Variants in SLC35F4 observed in about 807,000 individuals in gnomAD.
SLC35F4 encodes the protein chromosome 14 open reading frame 36.
A neutral mutation model predicts 44.2 loss-of-function variants in SLC35F4; 24 were observed. The ratio of observed to expected loss-of-function variants is 0.54; its 90% confidence interval spans 0.39 to 0.76. SLC35F4 has a LOEUF of 0.76. Ranked by LOEUF, SLC35F4 falls within the 30% of genes least tolerant of loss-of-function variation. The pLI, the probability that SLC35F4 is intolerant of heterozygous loss-of-function variation, is 0.00. For synonymous variants in SLC35F4, 238 were observed against 223.6 expected, an observed-to-expected ratio of 1.06 and a Z score of -0.57; for missense variants, 562 against 586.1, an observed-to-expected ratio of 0.96 and a Z score of 0.42.
intron 1 of SLC35F4, among the ~76,000 whole-genome samples, chr14:57,855,655 GAA>G (rs1887013268): frequency 6.6e-6 from 1 of 152,160 alleles, no homozygotes; most frequent in Admixed American, 6.5e-5. Context: ...TCTAGAACTA[GAA>G]ATACCATTTG....
At chr14:57,601,469 C>T (rs762329750) in intron 1 of SLC35F4, among the ~76,000 whole-genome samples, 2 of 152,146 alleles carry the variant, frequency 1.3e-5, no homozygotes, top group Non-Finnish European at 2.9e-5. Flanking sequence ...TTCCCCCCTC[C>T]TCCCTCTAGT....
chr14:57,565,221 GT>G (rs1054232809), intron 7 of SLC35F4, among the ~76,000 whole-genome samples: 2 of 150,716 alleles, frequency 1.3e-5, no homozygotes, highest in Admixed American at 1.3e-4. Context: ...TTTAATCTCT[GT>G]TTTCACTTTT....
At chr14:57,585,100 C>A (rs192024089) in intron 3 of SLC35F4, among the ~76,000 whole-genome samples, 1 of 152,264 alleles carries the variant, frequency 6.6e-6, no homozygotes, top group Non-Finnish European at 1.5e-5. Context: ...CTTTTTAATT[C>A]TTTAATTATA....
intron 1 of SLC35F4, among the ~76,000 whole-genome samples, chr14:57,970,984 A>G (rs536141249): frequency 6.6e-6 from 1 of 152,316 alleles, no homozygotes; most frequent in South Asian, 2.1e-4. Context: ...ATCCCCTCAG[A>G]GATGACTTTG....
chr14:57,842,680 T>C (rs987779230), intron 1 of SLC35F4, among the ~76,000 whole-genome samples: 2 of 152,080 alleles, frequency 1.3e-5, no homozygotes, highest in African/African-American at 4.8e-5. Flanking sequence ...AGCCGGCTAC[T>C]ACCAGCTCAA....
chr14:57,698,953 C>T (rs1470482558), intron 1 of SLC35F4, among the ~76,000 whole-genome samples: 1 of 152,040 alleles, frequency 6.6e-6, no homozygotes, highest in African/African-American at 2.4e-5. Flanking sequence ...ATAAATGAAT[C>T]CCAGAAGGAT....
At chr14:57,842,989 T>C (rs1293548682) in intron 1 of SLC35F4, among the ~76,000 whole-genome samples, 1 of 152,212 alleles carries the variant, frequency 6.6e-6, no homozygotes, top group Non-Finnish European at 1.5e-5. Context: ...GGATGTTTCC[T>C]GCCCTCGAAC....
chr14:57,691,143 G>A (rs2075220860), intron 1 of SLC35F4, among the ~76,000 whole-genome samples: 1 of 152,062 alleles, frequency 6.6e-6, no homozygotes, highest in Non-Finnish European at 1.5e-5. Flanking sequence ...ATCAACAAAT[G>A]TTGGATAAAG....
chr14:57,781,786 T>A (rs1191745535), intron 1 of SLC35F4, among the ~76,000 whole-genome samples: 1 of 152,138 alleles, frequency 6.6e-6, no homozygotes, highest in East Asian at 1.9e-4. Context: ...CTGGAGGCCA[T>A]CATCCTTAGC....
chr14:57,978,051 T>C (rs1881269561), intron 1 of SLC35F4, among the ~76,000 whole-genome samples: 1 of 152,160 alleles, frequency 6.6e-6, no homozygotes, highest in Admixed American at 6.5e-5. Flanking sequence ...CCCACAGAAG[T>C]ATACAAATCT....
chr14:57,700,278 T>C (rs2075500670), intron 1 of SLC35F4, among the ~76,000 whole-genome samples: 1 of 152,216 alleles, frequency 6.6e-6, no homozygotes, highest in African/African-American at 2.4e-5. Flanking sequence ...AGTATTTATG[T>C]ATCTAAACAT....
intron 1 of SLC35F4, among the ~76,000 whole-genome samples, chr14:57,595,535 C>G (rs2070440359): frequency 6.6e-6 from 1 of 152,056 alleles, no homozygotes; most frequent in South Asian, 2.1e-4. Flanking sequence ...TCGGGGAGGT[C>G]TACATATATT....
intron 1 of SLC35F4, among the ~76,000 whole-genome samples, chr14:57,789,646 T>G (rs897501392): frequency 2.6e-5 from 4 of 152,232 alleles, no homozygotes; most frequent in African/African-American, 9.6e-5. Flanking sequence ...ACTCATTTTA[T>G]GAGGACAGAA....
rs960183843 is a variant in SLC35F4 at position 57,701,157 on chromosome 14, C to A, written c.104-107033G>T. Among the ~76,000 whole-genome samples, 11 of 151,976 alleles carry A rather than the reference C, an allele frequency of 7.2e-5. No individual in the cohort carries two copies. In the South Asian group the frequency reaches 2.1e-3, roughly 29 times the overall value. On this transcript the variant is annotated intron_variant, in intron 1 of 7. Coordinates refer to ENST00000556826, the MANE Select transcript of SLC35F4 (RefSeq NM_001306087.2). ...TGGCCTATTTTTTTTTAACTTTTTA[C>A]ATTTTTGTTATTGTTGTTAAACACT...
chr14:57,949,994 A>T (rs1316295758), intron 1 of SLC35F4, among the ~76,000 whole-genome samples: 1 of 152,154 alleles, frequency 6.6e-6, no homozygotes, highest in African/African-American at 2.4e-5. Context: ...TATCCTGATG[A>T]CTATGTGCCT....
intron 4 of SLC35F4, among the ~76,000 whole-genome samples, chr14:57,573,425 G>A (rs1566629472): frequency 6.6e-6 from 1 of 152,192 alleles, no homozygotes; most frequent in Non-Finnish European, 1.5e-5. Context: ...CTTGCTGAGT[G>A]AATATCATAT....
intron 1 of SLC35F4, among the ~76,000 whole-genome samples, chr14:57,652,521 T>A (rs1167761495): frequency 1.3e-5 from 2 of 152,188 alleles, no homozygotes; most frequent in Non-Finnish European, 2.9e-5. Flanking sequence ...CACTGAGTCA[T>A]GTTCAGAGAT....
At chr14:57,872,292 T>C (rs546263497) in intron 1 of SLC35F4, among the ~76,000 whole-genome samples, 2 of 152,236 alleles carry the variant, frequency 1.3e-5, no homozygotes, top group African/African-American at 4.8e-5. Flanking sequence ...AACTTGCTTT[T>C]TAAATGCCCT....
At chr14:57,967,650 G>A (rs1880912678) in intron 1 of SLC35F4, among the ~76,000 whole-genome samples, 3 of 152,080 alleles carry the variant, frequency 2.0e-5, no homozygotes, top group Non-Finnish European at 4.4e-5. Flanking sequence ...TCTCAGCTAG[G>A]GCAACTGATC....
Sources: gnomAD v4.1 joint callset for allele counts (sites outside exome capture counted in the v4.1 genomes callset) on GRCh38, gnomAD v4.1.1 for gene constraint, MANE v1.5 for transcripts, NCBI Gene and HGNC (gene_info 2026-07-23, HGNC 2026-07-21) for gene names.